The following SEMA3D variants were observed in gnomAD, a reference collection of about 807,000 sequenced individuals.
The protein encoded by SEMA3D is semaphorin-3D.
A neutral mutation model predicts 100.1 loss-of-function variants in SEMA3D; 84 were observed. The observed-to-expected ratio is 0.84, with a 90% confidence interval of 0.70 to 1.01. The LOEUF (loss-of-function observed/expected upper bound fraction) is 1.01, where lower values mean the gene tolerates loss of function less well. Ranked by LOEUF, SEMA3D falls within the 50% of genes least tolerant of loss-of-function variation. The pLI is 0.00. For synonymous variants in SEMA3D, 312 were observed against 320.7 expected, an observed-to-expected ratio of 0.97 and a Z score of 0.29; for missense variants, 875 against 934.1, an observed-to-expected ratio of 0.94 and a Z score of 0.82.
At chr7:85,247,040 C>G in the SEMA3D span, among the ~76,000 whole-genome samples, 120 of 151,984 alleles carry the variant, frequency 7.9e-4, no homozygotes, top group Non-Finnish European at 7.7e-4. Flanking sequence ...TATATCAATA[C>G]AGTGGTGGCC....
At chr7:85,048,314 GA>G (rs1345989430) in intron 9 of SEMA3D, among the ~76,000 whole-genome samples, 1 of 151,720 alleles carries the variant, frequency 6.6e-6, no homozygotes, top group Non-Finnish European at 1.5e-5. Flanking sequence ...ACAGATTTTA[GA>G]ATCTTTCTTT....
At chr7:85,245,884 T>C in the SEMA3D span, among the ~76,000 whole-genome samples, 2 of 152,218 alleles carry the variant, frequency 1.3e-5, no homozygotes, top group East Asian at 3.9e-4. Context: ...TTTGGCTATA[T>C]CATAGTTTAA....
At chr7:85,142,234 T>C in intron 2 of SEMA3D, 3 of 980,258 alleles carry the variant, frequency 3.1e-6, no homozygotes, top group Non-Finnish European at 3.6e-6. Context: ...AGATATCATC[T>C]CTCTACCAAT....
chr7:85,131,669 C>T (rs118172160), intron 2 of SEMA3D, among the ~76,000 whole-genome samples: 22 of 151,812 alleles, frequency 1.4e-4, no homozygotes, highest in Admixed American at 5.3e-4. Context: ...TTGTGAAATA[C>T]GAAGATATAG....
At chr7:85,096,695 T>C (rs997464154) in intron 4 of SEMA3D, among the ~76,000 whole-genome samples, 3 of 151,888 alleles carry the variant, frequency 2.0e-5, no homozygotes, top group African/African-American at 4.8e-5. Context: ...ATTTCAGAAG[T>C]GAAGTAATAT....
intron 1 of SEMA3D, among the ~76,000 whole-genome samples, chr7:85,157,312 A>G (rs1288949110): frequency 6.6e-6 from 1 of 152,228 alleles, no homozygotes; most frequent in Non-Finnish European, 1.5e-5. Flanking sequence ...AGCATAGTAT[A>G]ATAAAAATAA....
At chr7:85,149,435 A>G (rs951858552) in intron 2 of SEMA3D, among the ~76,000 whole-genome samples, 1 of 152,158 alleles carries the variant, frequency 6.6e-6, no homozygotes, top group East Asian at 1.9e-4. Flanking sequence ...ATGACAGAGC[A>G]AGACTCTGTC....
intron 2 of SEMA3D, among the ~76,000 whole-genome samples, chr7:85,129,503 C>A (rs1022492317): frequency 3.3e-5 from 5 of 151,892 alleles, no homozygotes; most frequent in African/African-American, 1.2e-4. Context: ...ATGAGGATTT[C>A]ATCTTATCAT....
At chr7:85,218,001 A>G in the SEMA3D span, among the ~76,000 whole-genome samples, 1 of 152,082 alleles carries the variant, frequency 6.6e-6, no homozygotes, top group Non-Finnish European at 1.5e-5. Flanking sequence ...TCATTTTGCT[A>G]TTTACAGATT....
the SEMA3D span, among the ~76,000 whole-genome samples, chr7:85,234,968 A>G: frequency 6.6e-6 from 1 of 152,156 alleles, no homozygotes; most frequent in Non-Finnish European, 1.5e-5. Context: ...ACTGATTCTT[A>G]AGGAATTTCT....
the SEMA3D span, among the ~76,000 whole-genome samples, chr7:85,208,669 G>C: frequency 6.6e-6 from 1 of 151,952 alleles, no homozygotes; most frequent in East Asian, 1.9e-4. Context: ...TTGAGGAAAT[G>C]ATAAGCTTCT....
chr7:85,021,333 T>C (rs1790248963), intron 13 of SEMA3D, among the ~76,000 whole-genome samples: 1 of 151,750 alleles, frequency 6.6e-6, no homozygotes, highest in Non-Finnish European at 1.5e-5. Context: ...GAACACCTAG[T>C]TTTGGGTGGA....
At chr7:85,243,186 T>A in the SEMA3D span, among the ~76,000 whole-genome samples, 3 of 152,288 alleles carry the variant, frequency 2.0e-5, no homozygotes, top group Admixed American at 2.0e-4. Flanking sequence ...AAATAATTTA[T>A]CCTGAAGGCA....
At chr7:85,098,522 CT>C (rs770510121) in intron 3 of SEMA3D, among the ~76,000 whole-genome samples, 1 of 151,502 alleles carries the variant, frequency 6.6e-6, no homozygotes, top group African/African-American at 2.4e-5. Context: ...AAAAAATACA[CT>C]TTTTTTGGAG....
At chr7:85,107,005 A>G (rs976273033) in intron 3 of SEMA3D, among the ~76,000 whole-genome samples, 1 of 152,066 alleles carries the variant, frequency 6.6e-6, no homozygotes, top group Non-Finnish European at 1.5e-5. Context: ...CCATATCACC[A>G]TTTGTATTTC....
intron 2 of SEMA3D, chr7:85,139,892 G>T (rs917737850): frequency 6.6e-6 from 1 of 152,092 alleles, no homozygotes. Flanking sequence ...CAGTGCTGTT[G>T]CAGAATAAAC....
chr7:85,229,011 AT>A, the SEMA3D span, among the ~76,000 whole-genome samples: 471 of 151,880 alleles, frequency 3.1e-3, 3 homozygotes, highest in African/African-American at 0.011. Flanking sequence ...TGTTTCAATG[AT>A]TTTTTTTCTT....
At chr7:85,211,097 T>C in the SEMA3D span, among the ~76,000 whole-genome samples, 1 of 152,160 alleles carries the variant, frequency 6.6e-6, no homozygotes, top group Admixed American at 6.6e-5. Flanking sequence ...AGTTCCAATT[T>C]AGTGTCTTAT....
intron 13 of SEMA3D, among the ~76,000 whole-genome samples, chr7:85,020,872 G>A (rs1790235325): frequency 1.3e-5 from 2 of 151,510 alleles, no homozygotes; most frequent in Admixed American, 6.6e-5. Context: ...TAATAGATGA[G>A]AAATGGAAGG....
Sources: gnomAD v4.1 joint callset for allele counts (sites outside exome capture counted in the v4.1 genomes callset) on GRCh38, gnomAD v4.1.1 for gene constraint, MANE v1.5 for transcripts, NCBI Gene and HGNC (gene_info 2026-07-23, HGNC 2026-07-21) for gene names.